Variants in GLIS3 observed in about 807,000 individuals in gnomAD.
GLIS3 encodes the protein GLIS family zinc finger 3.
Under a neutral mutation model 78.6 loss-of-function variants are expected in GLIS3, and 53 were observed. That is an observed-to-expected ratio of 0.67 (90% CI 0.54 to 0.85). The LOEUF (loss-of-function observed/expected upper bound fraction) is 0.85, where lower values mean the gene tolerates loss of function less well. Among genes scored for constraint, GLIS3 ranks in the 40% least tolerant of loss-of-function variants. The pLI, the probability that GLIS3 is intolerant of heterozygous loss-of-function variation, is 0.00. For missense variants in GLIS3, 1,703 were observed against 1,231.1 expected (o/e 1.38, Z -5.74); for synonymous variants, 684 against 509.9 (o/e 1.34, Z -4.60).
intron 2 of GLIS3, among the ~76,000 whole-genome samples, chr9:4,339,907 G>T (rs980792299): frequency 7.0e-6 from 1 of 141,856 alleles, no homozygotes; most frequent in African/African-American, 2.6e-5. Flanking sequence ...GAAAAGAAAA[G>T]AGACAGAAAG....
chr9:4,294,446 T>C lies in GLIS3; in HGVS notation c.-99+4975A>G, dbSNP rs112732968. ...ATCACTTGAACCCAGGAGGGGGAGG[T>C]TGCAGTAAGCCAAGATCACACCATT... On this transcript the variant is annotated intron_variant, in intron 1 of 10. Transcript: ENST00000381971. Among the ~76,000 whole-genome samples, 913 of 151,696 alleles carry C rather than the reference T, an allele frequency of 6.0e-3. 12 individuals carry two copies. Among genetic ancestry groups the C allele is most frequent in the African/African-American group, 0.021 (857 of 41,314 alleles).
intron 4 of GLIS3, among the ~76,000 whole-genome samples, chr9:4,024,244 C>A (rs1485557425): frequency 2.6e-5 from 4 of 152,150 alleles, no homozygotes; most frequent in Non-Finnish European, 5.9e-5. Flanking sequence ...TTAAATAAAC[C>A]TTCTCAAAAA....
chr9:4,383,345 G>T, the GLIS3 span, among the ~76,000 whole-genome samples: 1 of 152,154 alleles, frequency 6.6e-6, no homozygotes, highest in African/African-American at 2.4e-5. Context: ...ACTGCTGTTT[G>T]AAAGTTTAAT....
In GLIS3 at chr9:4,029,204, C is replaced by G. The variant is rs962661904; in HGVS notation, c.1710+88564G>C. 3.9e-5 allele frequency among the ~76,000 whole-genome samples: 6 copies of G among 152,178 alleles called. No homozygotes were observed. In the East Asian group the frequency reaches 7.7e-4, roughly 20 times the overall value. ...TGAAACCCTTGGAATCCTTAGAAAA[C>G]AAACTTTGGAAACTCTCATCTAGTC... On this transcript the variant is annotated intron_variant, in intron 4 of 10. Transcript: ENST00000381971.
chr9:4,386,452 C>T, the GLIS3 span: 1 of 151,968 alleles, frequency 6.6e-6, no homozygotes, highest in South Asian at 2.1e-4. Flanking sequence ...TATCCTTGTG[C>T]AAGGAGCATG....
At chr9:4,257,175 A>T (rs1030087647) in intron 2 of GLIS3, among the ~76,000 whole-genome samples, 5 of 152,210 alleles carry the variant, frequency 3.3e-5, no homozygotes, top group Non-Finnish European at 7.3e-5. Flanking sequence ...AAAGAAAGGG[A>T]TACTGCCATT....
intron 7 of GLIS3, among the ~76,000 whole-genome samples, chr9:3,880,746 C>T (rs545648049): frequency 3.9e-5 from 6 of 152,130 alleles, no homozygotes; most frequent in Admixed American, 6.5e-5. Flanking sequence ...ATGACCTAGC[C>T]CCCAAAAGCT....
intron 2 of GLIS3, among the ~76,000 whole-genome samples, chr9:4,189,031 T>A (rs1818075230): frequency 6.6e-6 from 1 of 152,158 alleles, no homozygotes; most frequent in African/African-American, 2.4e-5. Flanking sequence ...TTTCTTGCCT[T>A]CTGCTAGCTT....
intron 9 of GLIS3, among the ~76,000 whole-genome samples, chr9:3,844,800 A>G (rs550002410): frequency 1.3e-5 from 2 of 152,310 alleles, no homozygotes; most frequent in East Asian, 3.9e-4. Context: ...TAAGTGTTCA[A>G]TGAAAATATA....
At chr9:4,431,511 C>A in the GLIS3 span, among the ~76,000 whole-genome samples, 18 of 152,262 alleles carry the variant, frequency 1.2e-4, no homozygotes, top group Middle Eastern at 3.4e-3. Context: ...TGTGGTTCCA[C>A]CATACTCTTA....
chr9:4,297,988 G>C (rs1816718252), intron 1 of GLIS3, among the ~76,000 whole-genome samples: 1 of 152,144 alleles, frequency 6.6e-6, no homozygotes, highest in South Asian at 2.1e-4. Flanking sequence ...GGTACGCGCG[G>C]CTGCGACCCC....
At chr9:4,289,128 T>C (rs538911837) in intron 1 of GLIS3, among the ~76,000 whole-genome samples, 1 of 152,262 alleles carries the variant, frequency 6.6e-6, no homozygotes, top group Non-Finnish European at 1.5e-5. Flanking sequence ...GAAATGGCAC[T>C]CAAAAAGTCA....
chr9:4,292,445 T>C (rs368430148), intron 1 of GLIS3, among the ~76,000 whole-genome samples: 6 of 152,174 alleles, frequency 3.9e-5, no homozygotes, highest in East Asian at 3.8e-4. Flanking sequence ...TAAAAAGCAC[T>C]TGGACTATTT....
At chr9:4,425,575 G>A in the GLIS3 span, among the ~76,000 whole-genome samples, 4 of 152,208 alleles carry the variant, frequency 2.6e-5, no homozygotes, top group Non-Finnish European at 4.4e-5. Context: ...TCCTTGCTGA[G>A]TGACTCCAGT....
At chr9:4,466,544 G>T in the GLIS3 span, among the ~76,000 whole-genome samples, 42 of 152,164 alleles carry the variant, frequency 2.8e-4, no homozygotes, top group African/African-American at 9.9e-4. Flanking sequence ...TTTTTTAAAT[G>T]TTAGCAAATT....
chr9:4,050,799 T>C (rs1452796458), intron 4 of GLIS3, among the ~76,000 whole-genome samples: 3 of 152,106 alleles, frequency 2.0e-5, no homozygotes, highest in South Asian at 2.1e-4. Flanking sequence ...GCATCACTTT[T>C]ACAAGACTGG....
chr9:4,038,234 C>A (rs1288809761), intron 4 of GLIS3, among the ~76,000 whole-genome samples: 1 of 152,068 alleles, frequency 6.6e-6, no homozygotes, highest in Non-Finnish European at 1.5e-5. Flanking sequence ...GTTTCGACAT[C>A]CTAAAAATAT....
chr9:4,266,984 T>C (rs1203174180), intron 2 of GLIS3, among the ~76,000 whole-genome samples: 1 of 152,228 alleles, frequency 6.6e-6, no homozygotes. Context: ...TTTATGGAAA[T>C]ACTTCATAGA....
chr9:4,082,637 G>A (rs1273936012), intron 4 of GLIS3, among the ~76,000 whole-genome samples: 1 of 152,164 alleles, frequency 6.6e-6, no homozygotes, highest in Non-Finnish European at 1.5e-5. Flanking sequence ...CTCTGCATCA[G>A]AAGGATTCAC....
Sources: gnomAD v4.1 joint callset for allele counts (sites outside exome capture counted in the v4.1 genomes callset) on GRCh38, gnomAD v4.1.1 for gene constraint, MANE v1.5 for transcripts, NCBI Gene and HGNC (gene_info 2026-07-23, HGNC 2026-07-21) for gene names.